AOPEP: variants seen among roughly 807,000 people sequenced by gnomAD.
The protein encoded by AOPEP is aminopeptidase O.
Under a neutral mutation model 98.1 loss-of-function variants are expected in AOPEP, and 77 were observed. That is an observed-to-expected ratio of 0.78 (90% CI 0.65 to 0.95). AOPEP has a LOEUF of 0.95. Ranked by LOEUF, AOPEP falls within the 40% of genes least tolerant of loss-of-function variation. The pLI is 0.00. For missense variants in AOPEP, 1,024 were observed against 1,024.7 expected (o/e 1.00, Z 0.01); for synonymous variants, 346 against 365.3 (o/e 0.95, Z 0.60).
intron 5 of AOPEP, among the ~76,000 whole-genome samples, chr9:94,884,581 C>G (rs78077389): frequency 6.6e-6 from 1 of 152,150 alleles, no homozygotes; most frequent in South Asian, 2.1e-4. Context: ...AGACCTGCTA[C>G]GAGTTAACTG....
chr9:95,080,758 A>G lies in AOPEP; in HGVS notation c.2297A>G (p.Glu766Gly). 6.2e-7 allele frequency: 1 copy of G among 1,614,066 alleles called. No individual in the cohort carries two copies. The highest frequency in any genetic ancestry group is 1.1e-5 in the South Asian group (1 of 91,084). The change falls in exon 15 of 17, where the codon GAG (glutamate) becomes GGG (glycine). Residue 766 changes from glutamate (E) to glycine (G), a missense_variant. By Grantham distance (98) the Glu-to-Gly change is moderately conservative (BLOSUM62 -2). Coordinates refer to ENST00000375315, the MANE Select transcript of AOPEP (RefSeq NM_001193329.3). ...TTCACGAAAGCCTACAAAAGTGTGG[A>G]GAGGTTCCTTCAGGAGGATCAGGTA... ...HKFTKAYKSV[E>G]RFLQEDQAMG...
chr9:95,041,727 C>G (rs986301715), intron 13 of AOPEP, among the ~76,000 whole-genome samples: 3 of 152,188 alleles, frequency 2.0e-5, no homozygotes, highest in South Asian at 2.1e-4. Context: ...CGCGGTGGCC[C>G]CTGGCGCTTT....
At chr9:95,079,932 G>A (rs2069545534) in intron 14 of AOPEP, among the ~76,000 whole-genome samples, 2 of 152,110 alleles carry the variant, frequency 1.3e-5, no homozygotes, top group Non-Finnish European at 2.9e-5. Context: ...TGCCTCTTTC[G>A]GGGAATTAGA....
intron 5 of AOPEP, among the ~76,000 whole-genome samples, chr9:94,908,600 C>T (rs2051529315): frequency 6.6e-6 from 1 of 152,082 alleles, no homozygotes; most frequent in Non-Finnish European, 1.5e-5. Flanking sequence ...ATACACAAAA[C>T]CGTCAAATGG....
At chr9:94,905,626 G>A (rs561931054) in intron 5 of AOPEP, among the ~76,000 whole-genome samples, 8 of 152,182 alleles carry the variant, frequency 5.3e-5, no homozygotes, top group Non-Finnish European at 1.2e-4. Flanking sequence ...GCCCTTATTG[G>A]AGGTTGCTCA....
intron 9 of AOPEP, among the ~76,000 whole-genome samples, chr9:94,959,695 A>G (rs2058689633): frequency 6.6e-6 from 1 of 152,196 alleles, no homozygotes; most frequent in Non-Finnish European, 1.5e-5. Context: ...CACCACCCAG[A>G]AATACCTATA....
At chr9:95,046,435 C>G (rs933007715) in intron 13 of AOPEP, among the ~76,000 whole-genome samples, 1 of 152,144 alleles carries the variant, frequency 6.6e-6, no homozygotes, top group South Asian at 2.1e-4. Context: ...TTATTTCTGT[C>G]TCTCATTAAA....
chr9:94,834,960 A>G (rs1186824779), intron 5 of AOPEP, among the ~76,000 whole-genome samples: 5 of 152,210 alleles, frequency 3.3e-5, no homozygotes, highest in Non-Finnish European at 5.9e-5. Flanking sequence ...AAATGTCAGA[A>G]TGGGAAATTT....
chr9:94,838,091 C>T (rs2041842120), intron 5 of AOPEP, among the ~76,000 whole-genome samples: 1 of 152,236 alleles, frequency 6.6e-6, no homozygotes, highest in South Asian at 2.1e-4. Flanking sequence ...TCACTGCAAG[C>T]CCCGCCTCCT....
chr9:94,843,653 T>C (rs1316773515), intron 5 of AOPEP, among the ~76,000 whole-genome samples: 1 of 152,236 alleles, frequency 6.6e-6, no homozygotes. Flanking sequence ...ACCAAGTTTT[T>C]AGTGGATATT....
intron 5 of AOPEP, among the ~76,000 whole-genome samples, chr9:94,823,005 T>A (rs2134238417): frequency 6.6e-6 from 1 of 152,156 alleles, no homozygotes; most frequent in Admixed American, 6.5e-5. Flanking sequence ...TTTTTTTTTT[T>A]TCTTTTGTGA....
In AOPEP at chr9:95,013,525, A is replaced by G. The variant is rs539468879; in HGVS notation, c.2115+7909A>G. On this transcript the variant is annotated intron_variant, in intron 13 of 16. Transcript: ENST00000375315. ...GGTTGGACTGTGTCTACAATGTCAG[A>G]GCATATAGGCATTACATACTATGCT... Among the ~76,000 whole-genome samples the G allele has an allele frequency of 2.6e-5, 4 of 151,994 alleles. No homozygotes were observed. In the East Asian group the frequency reaches 7.7e-4, roughly 29 times the overall value.
chr9:95,089,988 A>AC (rs1179217660), downstream of AOPEP, among the ~76,000 whole-genome samples: 4 of 152,238 alleles, frequency 2.6e-5, no homozygotes, highest in East Asian at 5.8e-4. Context: ...AAGCCAAGAA[A>AC]CACCTGCTCA....
chr9:94,913,689 GTTTA>G (rs2136511759), intron 5 of AOPEP, among the ~76,000 whole-genome samples: 1 of 152,372 alleles, frequency 6.6e-6, no homozygotes. Flanking sequence ...AGGCGAATTT[GTTTA>G]ACAAAGGTGG....
At chr9:95,139,853 A>AAT in the AOPEP span, among the ~76,000 whole-genome samples, 7 of 144,416 alleles carry the variant, frequency 4.8e-5, no homozygotes, top group African/African-American at 7.6e-5. Flanking sequence ...TATATATATA[A>AAT]ATATATATAT....
At chr9:94,845,485 G>C (rs1307934144) in intron 5 of AOPEP, among the ~76,000 whole-genome samples, 1 of 152,202 alleles carries the variant, frequency 6.6e-6, no homozygotes, top group African/African-American at 2.4e-5. Flanking sequence ...GCCTTGAAAA[G>C]ATCATGCTGG....
chr9:95,130,299 T>TGAGAGAGA, the AOPEP span, among the ~76,000 whole-genome samples: 3 of 149,192 alleles, frequency 2.0e-5, no homozygotes, highest in African/African-American at 4.9e-5. Context: ...TGTGTGTGTG[T>TGAGAGAGA]GAGAGAGAGA....
Position 95,082,588 on chromosome 9 carries a change from A to AC in AOPEP, c.2335dup (p.Leu779ProfsTer9). 1 of 1,614,072 alleles carries AC rather than the reference A, an allele frequency of 6.2e-7. No individual in the cohort carries two copies. Among genetic ancestry groups the AC allele is most frequent in the Non-Finnish European group, 8.5e-7 (1 of 1,180,020 alleles). ...TGTGCCCTGCAGGCCATGGGTGTGT[A>AC]CCTCTACGGGGAGCTGATGGTGAGT... is the stretch of plus-strand genomic sequence containing the variant. On this transcript the variant is annotated frameshift_variant, in exon 16 of 17. Transcript: ENST00000375315. LOFTEE classifies it high-confidence loss of function.
chr9:94,765,810 A>G (rs1015605894), intron 2 of AOPEP, among the ~76,000 whole-genome samples: 3 of 152,214 alleles, frequency 2.0e-5, no homozygotes, highest in Non-Finnish European at 4.4e-5. Context: ...CTGGAAATAG[A>G]AAACTCAATT....
Sources: gnomAD v4.1 joint callset for allele counts (sites outside exome capture counted in the v4.1 genomes callset) on GRCh38, gnomAD v4.1.1 for gene constraint, MANE v1.5 for transcripts, NCBI Gene and HGNC (gene_info 2026-07-23, HGNC 2026-07-21) for gene names.